Variants in ULK4 observed in about 807,000 individuals in gnomAD.
ULK4 encodes inactive serine/threonine-protein kinase ULK4.
Under a neutral mutation model 160.6 loss-of-function variants are expected in ULK4, and 133 were observed. The ratio of observed to expected loss-of-function variants is 0.83; its 90% CI spans 0.72 to 0.96. The LOEUF is 0.96. Among genes scored for constraint, ULK4 ranks in the 40% least tolerant of loss-of-function variants. ULK4 has a pLI of 0.00. For missense variants in ULK4, 1,580 were observed against 1,499.5 expected (o/e 1.05, Z -0.89); for synonymous variants, 534 against 539.8 (o/e 0.99, Z 0.15).
intron 21 of ULK4, among the ~76,000 whole-genome samples, chr3:41,757,416 T>A (rs540513521): frequency 1.9e-4 from 29 of 151,992 alleles, no homozygotes; most frequent in Non-Finnish European, 2.6e-4. Flanking sequence ...GCAGAACACG[T>A]GGTCAGGAGA....
intron 21 of ULK4, among the ~76,000 whole-genome samples, chr3:41,773,068 T>A (rs1310825253): frequency 2.6e-5 from 4 of 152,112 alleles, no homozygotes. Context: ...ATGGGACATA[T>A]CTCGAAATAA....
intron 35 of ULK4, among the ~76,000 whole-genome samples, chr3:41,392,247 C>T (rs577352009): frequency 6.6e-6 from 1 of 152,232 alleles, no homozygotes; most frequent in Admixed American, 6.5e-5. Context: ...TGTTCAATTA[C>T]AGCAGATAAT....
intron 21 of ULK4, among the ~76,000 whole-genome samples, chr3:41,782,020 T>C (rs1286429818): frequency 6.6e-6 from 1 of 152,230 alleles, no homozygotes; most frequent in Non-Finnish European, 1.5e-5. Flanking sequence ...GCAATTATAT[T>C]ATTTTTCTCA....
intron 35 of ULK4, among the ~76,000 whole-genome samples, chr3:41,285,328 G>A (rs2079436114): frequency 6.6e-6 from 1 of 152,166 alleles, no homozygotes; most frequent in South Asian, 2.1e-4. Context: ...GCAAAATCGT[G>A]AAACCAACCC....
chr3:41,490,066 T>G lies in ULK4; in HGVS notation c.3227-26813A>C, dbSNP rs567385714. Among the ~76,000 whole-genome samples the G allele has an allele frequency of 5.9e-5, 9 of 152,322 alleles. No individual in the cohort carries two copies. The East Asian group carries it at 1.7e-3, about 29-fold the overall frequency. On this transcript the variant is annotated intron_variant, in intron 32 of 36. Transcript: ENST00000301831. ...TCAACCCACAGCTGTTACTCAGTCCTGACTGTGCCCCTTTTGCTGTGTCTC... is the reference window on the plus strand; with the variant it reads ...TCAACCCACAGCTGTTACTCAGTCCGGACTGTGCCCCTTTTGCTGTGTCTC...
At position 41,715,490 on chromosome 3, in the gene ULK4, C is replaced by A. The variant is rs780796812; in HGVS notation, c.2534G>T (p.Cys845Phe). Residue 845 changes from cysteine (C) to phenylalanine (F), a missense_variant, in exon 24 of 37, where the codon TGT (cysteine) becomes TTT (phenylalanine). By Grantham distance (205) the Cys-to-Phe change is radical. Transcript: ENST00000301831. ...AAGCACTACAGGCATCAGGGGGAGA[C>A]ACAACTTCAGCTGTTTCACTTGAAC... ...STVQVKQLKL[C>F]LPLMPVVLHL... 6.2e-7 allele frequency: 1 copy of A among 1,614,120 alleles called. No individual in the cohort carries two copies.
intron 35 of ULK4, among the ~76,000 whole-genome samples, chr3:41,271,593 G>A (rs574909618): frequency 3.9e-5 from 6 of 152,028 alleles, no homozygotes; most frequent in South Asian, 2.1e-4. Flanking sequence ...GGAGTTTCAC[G>A]ATGTTGGCCA....
chr3:41,844,967 C>CTT (rs201354327), intron 17 of ULK4, among the ~76,000 whole-genome samples: 19 of 143,580 alleles, frequency 1.3e-4, no homozygotes, highest in Non-Finnish European at 2.8e-4. Context: ...ACCCAGATAT[C>CTT]TTTTTTTTTT....
At chr3:41,757,505 G>A (rs1365150244) in intron 21 of ULK4, among the ~76,000 whole-genome samples, 2 of 151,268 alleles carry the variant, frequency 1.3e-5, no homozygotes, top group Non-Finnish European at 2.9e-5. Flanking sequence ...GGTGGCGGGT[G>A]CCTGTAGTCC....
At chr3:41,300,837 TTATATATATATATA>T (rs66602936) in intron 35 of ULK4, among the ~76,000 whole-genome samples, 808 of 57,862 alleles carry the variant, frequency 0.014, 21 homozygotes, top group Non-Finnish European at 0.016. Flanking sequence ...ATTTTACAGA[TTATATATATATATA>T]TATATATATA....
chr3:41,282,537 T>A (rs151040400), intron 35 of ULK4, among the ~76,000 whole-genome samples: 1 of 152,018 alleles, frequency 6.6e-6, no homozygotes, highest in African/African-American at 2.4e-5. Context: ...CTGACAAAAA[T>A]AAGAAACGGG....
intron 35 of ULK4, among the ~76,000 whole-genome samples, chr3:41,269,543 C>G (rs990711378): frequency 6.6e-6 from 1 of 152,104 alleles, no homozygotes; most frequent in Non-Finnish European, 1.5e-5. Context: ...TGCCATGAGT[C>G]AGATGCTACT....
chr3:41,402,635 A>T (rs1394648070), intron 34 of ULK4, among the ~76,000 whole-genome samples: 1 of 152,198 alleles, frequency 6.6e-6, no homozygotes, highest in Non-Finnish European at 1.5e-5. Context: ...TTTAATATTT[A>T]ACCTGTTTAT....
At chr3:41,280,681 C>T (rs980401883) in intron 35 of ULK4, among the ~76,000 whole-genome samples, 1 of 152,188 alleles carries the variant, frequency 6.6e-6, no homozygotes, top group African/African-American at 2.4e-5. Flanking sequence ...AAATTTATAG[C>T]ACTAAATGCC....
At chr3:41,794,053 T>C (rs911329897) in intron 20 of ULK4, among the ~76,000 whole-genome samples, 9 of 152,198 alleles carry the variant, frequency 5.9e-5, no homozygotes, top group Non-Finnish European at 1.0e-4. Context: ...AGTCTGGGTT[T>C]GGGCCCAAAA....
chr3:41,590,554 C>T (rs115815352), intron 31 of ULK4, among the ~76,000 whole-genome samples: 1,826 of 149,890 alleles, frequency 0.012, 41 homozygotes, highest in African/African-American at 0.043. Flanking sequence ...GAGAATTGTT[C>T]GAACCTGGGA....
chr3:41,435,915 T>G (rs2083024801), intron 34 of ULK4, among the ~76,000 whole-genome samples: 1 of 151,938 alleles, frequency 6.6e-6, no homozygotes, highest in African/African-American at 2.4e-5. Flanking sequence ...GCCATTGTAC[T>G]CTAGCCTGGG....
chr3:41,803,917 G>C (rs1225593351), intron 19 of ULK4, among the ~76,000 whole-genome samples: 4 of 152,136 alleles, frequency 2.6e-5, no homozygotes, highest in Admixed American at 1.3e-4. Flanking sequence ...CCAAGTCTTT[G>C]CTGTTGTGAA....
intron 35 of ULK4, among the ~76,000 whole-genome samples, chr3:41,328,102 C>T (rs763867527): frequency 7.9e-5 from 12 of 152,318 alleles, no homozygotes; most frequent in Admixed American, 5.2e-4. Flanking sequence ...AGTGGAACGG[C>T]CAGCCCTAAA....
Sources: allele counts gnomAD v4.1 joint callset (sites outside exome capture counted in the v4.1 genomes callset), GRCh38; gene constraint gnomAD v4.1.1; transcripts MANE v1.5; gene names NCBI Gene and HGNC (gene_info 2026-07-23, HGNC 2026-07-21).